Variants in WWOX observed in about 807,000 individuals in gnomAD.
WWOX encodes the protein WW domain-containing oxidoreductase.
Under a neutral mutation model 46.2 loss-of-function variants are expected in WWOX, and 69 were observed. That is an observed-to-expected ratio of 1.49 (90% confidence interval 1.23 to 1.82). WWOX has a LOEUF of 1.82. Ranked by LOEUF, WWOX falls within the 40% of genes most tolerant of loss-of-function variation. The pLI, the probability that WWOX is intolerant of heterozygous loss-of-function variation, is 0.00. For missense variants in WWOX, 919 were observed against 542.6 expected (o/e 1.69, Z -6.89); for synonymous variants, 359 against 202.6 (o/e 1.77, Z -6.56).
intron 8 of WWOX, among the ~76,000 whole-genome samples, chr16:79,139,545 T>G (rs558994682): frequency 5.3e-5 from 8 of 152,376 alleles, no homozygotes; most frequent in African/African-American, 1.9e-4. Flanking sequence ...TTTAGCTTCT[T>G]TGGAATCGAG....
intron 8 of WWOX, among the ~76,000 whole-genome samples, chr16:78,626,558 C>G (rs935144991): frequency 1.3e-5 from 2 of 152,296 alleles, no homozygotes; most frequent in Middle Eastern, 3.4e-3. Flanking sequence ...CATCATGACT[C>G]TTCACTGTTG....
At chr16:78,691,120 A>G in intron 8 of WWOX, 1 of 636,742 alleles carries the variant, frequency 1.6e-6, no homozygotes, top group East Asian at 2.7e-5. Context: ...ACCAGTCGTT[A>G]TTGCTTTAGA....
chr16:78,937,967 T>C (rs367744383), intron 8 of WWOX, among the ~76,000 whole-genome samples: 31 of 152,262 alleles, frequency 2.0e-4, no homozygotes, highest in African/African-American at 7.5e-4. Context: ...GTTCAGTGTT[T>C]TCTTATTCCT....
At chr16:79,117,389 T>C (rs1597389931) in intron 8 of WWOX, among the ~76,000 whole-genome samples, 1 of 152,192 alleles carries the variant, frequency 6.6e-6, no homozygotes, top group Admixed American at 6.5e-5. Flanking sequence ...CAGTAAATCA[T>C]GCCATAAATA....
chr16:78,406,316 A>G (rs1276538184), intron 6 of WWOX, among the ~76,000 whole-genome samples: 1 of 62,398 alleles, frequency 1.6e-5, no homozygotes, highest in Non-Finnish European at 2.6e-5. Context: ...ATATATATAT[A>G]TATATATATA....
At position 78,640,965 on chromosome 16, in the gene WWOX, G is replaced by C. The variant is rs767210878; in HGVS notation, c.1056+208213G>C. ...AAAAAAAAAAAAAAGAAGAAGAAAA[G>C]AAAGGAAGGACAGATGGAAGGAAGG... On this transcript the variant is annotated intron_variant, in intron 8 of 8. Coordinates refer to ENST00000566780, the MANE Select transcript of WWOX (RefSeq NM_016373.4). Among the ~76,000 whole-genome samples the C allele has an allele frequency of 1.0e-3, 153 of 150,038 alleles. 1 individual carries two copies. The highest frequency in any genetic ancestry group is 6.9e-3 in the Middle Eastern group (2 of 290).
intron 5 of WWOX, among the ~76,000 whole-genome samples, chr16:78,207,307 A>G (rs1242079078): frequency 6.6e-6 from 1 of 152,170 alleles, no homozygotes; most frequent in Non-Finnish European, 1.5e-5. Context: ...ATTCTTCTAC[A>G]TAAATTATTA....
Position 78,343,862 on chromosome 16 carries a change from C to A in WWOX, c.517-42998C>A, listed in dbSNP as rs1293567330. ...CCCGTTTTGGGCTTGAAAAGTTTTC[C>A]TTCTGCTGAGAAATGATGATGGTGA... is the stretch of plus-strand genomic sequence containing the variant. On this transcript the variant is annotated intron_variant, in intron 5 of 8. Transcript: ENST00000566780. Among the ~76,000 whole-genome samples, 7 of 119,688 alleles carry A rather than the reference C, an allele frequency of 5.8e-5. 2 individuals carry two copies. Among genetic ancestry groups the A allele is most frequent in the Non-Finnish European group, 1.4e-4 (7 of 50,220 alleles). 78.5% of individuals were successfully genotyped at this position (119,688 alleles called of 152,430 possible).
chr16:78,575,970 C>G, intron 8 of WWOX, among the ~76,000 whole-genome samples: 1 of 151,170 alleles, frequency 6.6e-6, no homozygotes, highest in East Asian at 1.9e-4. Flanking sequence ...AATGCAAACA[C>G]AAAATTATTT....
intron 8 of WWOX, among the ~76,000 whole-genome samples, chr16:78,746,380 C>G (rs571273958): frequency 6.6e-6 from 1 of 152,264 alleles, no homozygotes; most frequent in Non-Finnish European, 1.5e-5. Flanking sequence ...TGCCTGTAGT[C>G]TCAGCTACTT....
rs1189624081 is a variant in WWOX, at chr16:79,211,915, T to A, written c.*119T>A. The A allele has an allele frequency of 6.5e-7, 1 of 1,546,186 alleles. No individual in the cohort carries two copies. The highest frequency in any genetic ancestry group is 1.4e-5 in the African/African-American group (1 of 73,270). Reference sequence around the variant, plus strand: ...CACAGATCCGCAAGAGTAAAGGAAATAAGAGCAGTCACAACAGAGTGAAAA... The same window carrying A: ...CACAGATCCGCAAGAGTAAAGGAAAAAAGAGCAGTCACAACAGAGTGAAAA... On this transcript the variant is annotated 3_prime_UTR_variant, in exon 9 of 9. Transcript: ENST00000566780.
chr16:78,590,079 C>G (rs1468831609), intron 8 of WWOX, among the ~76,000 whole-genome samples: 1 of 151,802 alleles, frequency 6.6e-6, no homozygotes, highest in Non-Finnish European at 1.5e-5. Flanking sequence ...GATGCCTATC[C>G]TTAAGGAGAG....
intron 8 of WWOX, among the ~76,000 whole-genome samples, chr16:78,953,522 C>G (rs549918615): frequency 6.6e-6 from 1 of 152,262 alleles, no homozygotes; most frequent in South Asian, 2.1e-4. Flanking sequence ...TCCTAACCCC[C>G]AGTTTACTGT....
chr16:78,345,790 AT>A (rs1259882036), intron 5 of WWOX, among the ~76,000 whole-genome samples: 4 of 118,792 alleles, frequency 3.4e-5, no homozygotes, highest in African/African-American at 1.1e-4. Context: ...TCACTTTGAT[AT>A]TTTTTAAAGG....
In WWOX at chr16:78,469,176, T is replaced by C. The variant is rs183015280; in HGVS notation, c.1056+36424T>C. On this transcript the variant is annotated intron_variant, in intron 8 of 8. Coordinates refer to ENST00000566780, the MANE Select transcript of WWOX (RefSeq NM_016373.4). Reference sequence around the variant, plus strand: ...GCAAGAAGTCACCACATGCTTGTTATGGAAATCGTCAGGGATATTTATTCC... The same window carrying C: ...GCAAGAAGTCACCACATGCTTGTTACGGAAATCGTCAGGGATATTTATTCC... Among the ~76,000 whole-genome samples, 1,253 of 152,318 alleles carry C rather than the reference T, an allele frequency of 8.2e-3. 16 individuals are homozygous for C. The highest frequency in any genetic ancestry group is 9.0e-3 in the Non-Finnish European group (610 of 68,034).
At chr16:78,507,688 C>A (rs943726988) in intron 8 of WWOX, among the ~76,000 whole-genome samples, 7 of 152,078 alleles carry the variant, frequency 4.6e-5, no homozygotes, top group Non-Finnish European at 7.3e-5. Context: ...TCTTGGCATG[C>A]GTTCTTACCT....
intron 8 of WWOX, among the ~76,000 whole-genome samples, chr16:78,829,771 A>G (rs2051764973): frequency 6.6e-6 from 1 of 152,206 alleles, no homozygotes; most frequent in Non-Finnish European, 1.5e-5. Flanking sequence ...CCAAGATCCT[A>G]CAGGAATTGC....
chr16:78,099,927 T>G (rs1340369104), intron 1 of WWOX, 42 bp downstream of exon 1: 53 of 1,545,326 alleles, frequency 3.4e-5, no homozygotes, highest in Non-Finnish European at 4.3e-5. Flanking sequence ...CCTGGGACCC[T>G]GCACAGCCCA....
intron 8 of WWOX, among the ~76,000 whole-genome samples, chr16:78,922,170 C>A (rs1389799424): frequency 6.6e-6 from 1 of 152,040 alleles, no homozygotes; most frequent in Admixed American, 6.6e-5. Context: ...TTGATCTCAG[C>A]CTCCAAGTCA....
Sources: gnomAD v4.1 joint callset for allele counts (sites outside exome capture counted in the v4.1 genomes callset) on GRCh38, gnomAD v4.1.1 for gene constraint, MANE v1.5 for transcripts, NCBI Gene and HGNC (gene_info 2026-07-23, HGNC 2026-07-21) for gene names.